Variants in ZNF331 observed in about 807,000 individuals in gnomAD.
ZNF331 encodes zinc finger protein 331, also known as C2H2-like zinc finger protein rearranged in thyroid adenomas.
Under a neutral mutation model 7.0 loss-of-function variants are expected in ZNF331, and 2 were observed. The ratio of observed to expected loss-of-function variants is 0.29; its 90% CI spans 0.12 to 0.90. The LOEUF (loss-of-function observed/expected upper bound fraction) is 0.90. Ranked by LOEUF, ZNF331 falls within the 40% of genes least tolerant of loss-of-function variation. The pLI is 0.58. For missense variants in ZNF331, 432 were observed against 587.7 expected, an observed-to-expected ratio of 0.74 and a Z score of 2.74; for synonymous variants, 196 against 205.4, an observed-to-expected ratio of 0.95 and a Z score of 0.39.
chr19:53,563,727 T>C (rs2090010650), intron 3 of ZNF331: 1 of 152,074 alleles, frequency 6.6e-6, no homozygotes, highest in Non-Finnish European at 1.5e-5. Context: ...TAGTTAATAG[T>C]TCATGCAGTC....
At chr19:53,528,898 C>T (rs138918858) in intron 2 of ZNF331, among the ~76,000 whole-genome samples, 12,497 of 152,070 alleles carry the variant, frequency 0.082, 586 homozygotes, top group Non-Finnish European at 0.11. Context: ...GATTCTCCTG[C>T]CTCAGCCTCC....
intron 2 of ZNF331, among the ~76,000 whole-genome samples, chr19:53,547,871 G>A (rs990523028): frequency 6.6e-6 from 1 of 151,968 alleles, no homozygotes; most frequent in Admixed American, 6.6e-5. Flanking sequence ...TATTATCAGG[G>A]TTGTTTGGTT....
chr19:53,506,442 CTG>C, the ZNF331 span, among the ~76,000 whole-genome samples: 900 of 64,902 alleles, frequency 0.014, 16 homozygotes, highest in East Asian at 0.041. Context: ...CTCTCTCTCT[CTG>C]TCTCTCTCTC....
chr19:53,565,252 T>C (rs977171506), intron 3 of ZNF331, among the ~76,000 whole-genome samples: 1 of 152,238 alleles, frequency 6.6e-6, no homozygotes, highest in African/African-American at 2.4e-5. Context: ...GACATCATTC[T>C]GTGGACAGCC....
intron 3 of ZNF331, among the ~76,000 whole-genome samples, chr19:53,557,910 G>A (rs116592104): frequency 0.012 from 1,802 of 152,314 alleles, 38 homozygotes; most frequent in African/African-American, 0.04. Flanking sequence ...AACCTGTGAT[G>A]AGCTGAGATC....
At chr19:53,534,204 G>A (rs2087650393), upstream of ZNF331, among the ~76,000 whole-genome samples, 2 of 152,192 alleles carry the variant, frequency 1.3e-5, no homozygotes, top group African/African-American at 4.8e-5. Context: ...TGAAGACTGT[G>A]TTGCTTTTTG....
chr19:53,540,129 T>G lies in ZNF331; in HGVS notation c.-138+847T>G, dbSNP rs116915038. On this transcript the variant is annotated intron_variant, in intron 2 of 5. Coordinates refer to ENST00000449416, the MANE Select transcript of ZNF331 (RefSeq NM_001079906.2). ...AAGAGAGGAGCCTGGCCACATTTAT[T>G]GAGCGCATTTTTGTACCATACTCTA... Among the ~76,000 whole-genome samples the G allele has an allele frequency of 5.2e-3, 788 of 152,324 alleles. 2 individuals carry two copies. The highest frequency in any genetic ancestry group is 9.0e-3 in the Non-Finnish European group (613 of 68,030).
At chr19:53,524,546 G>T (rs964166276) in intron 2 of ZNF331, among the ~76,000 whole-genome samples, 3 of 152,170 alleles carry the variant, frequency 2.0e-5, no homozygotes, top group African/African-American at 7.2e-5. Flanking sequence ...GTGTCTGTTG[G>T]CTGCATAGAT....
At chr19:53,574,438 A>G (rs554765843) in intron 5 of ZNF331, among the ~76,000 whole-genome samples, 17 of 152,154 alleles carry the variant, frequency 1.1e-4, no homozygotes, top group Non-Finnish European at 2.1e-4. Context: ...AGATCTTACC[A>G]CGAACTTGAT....
In ZNF331 at chr19:53,573,293, G is replaced by T. The variant is rs2090552482; in HGVS notation, c.136+1563G>T. ...CAAGACTGGCAGGCCAAGGCAGACG[G>T]ATCACGAAGATAGGAGTTCGAGACC... On this transcript the variant is annotated intron_variant, in intron 5 of 5. Coordinates refer to ENST00000449416, the MANE Select transcript of ZNF331 (RefSeq NM_001079906.2). The surrounding 1 kb of genome is among the most constrained non-coding windows in gnomAD (Gnocchi z 4.2). 6.6e-6 allele frequency among the ~76,000 whole-genome samples: 1 copy of T among 151,678 alleles called. No homozygotes were observed.
chr19:53,524,922 A>G (rs545793083), intron 2 of ZNF331, among the ~76,000 whole-genome samples: 21 of 152,334 alleles, frequency 1.4e-4, no homozygotes, highest in Admixed American at 5.2e-4. Flanking sequence ...TCTTTAATCC[A>G]TCTTGAATTA....
upstream of ZNF331, among the ~76,000 whole-genome samples, chr19:53,535,253 G>A (rs2087703430): frequency 1.3e-5 from 2 of 151,980 alleles, no homozygotes; most frequent in African/African-American, 4.8e-5. Flanking sequence ...CACACATTCA[G>A]CTAATTTTTG....
At chr19:53,515,586 C>T (rs1206439354), upstream of ZNF331, among the ~76,000 whole-genome samples, 5 of 152,244 alleles carry the variant, frequency 3.3e-5, no homozygotes, top group Non-Finnish European at 5.9e-5. Flanking sequence ...CAACCTCCGC[C>T]TGCTGGGTTC....
chr19:53,524,395 T>A (rs1327248654), intron 2 of ZNF331, among the ~76,000 whole-genome samples: 9 of 152,212 alleles, frequency 5.9e-5, no homozygotes, highest in Admixed American at 2.0e-4. Flanking sequence ...GTAAAAGTGT[T>A]CCTGTTTCTC....
intron 2 of ZNF331, among the ~76,000 whole-genome samples, chr19:53,546,395 C>G (rs1032923817): frequency 6.6e-6 from 1 of 152,028 alleles, no homozygotes; most frequent in African/African-American, 2.4e-5. Context: ...GGGGATGTGG[C>G]AAGGGCCAGG....
chr19:53,507,650 C>T, the ZNF331 span, among the ~76,000 whole-genome samples: 57 of 152,234 alleles, frequency 3.7e-4, no homozygotes, highest in Middle Eastern at 6.8e-3. Context: ...AGAGGCTGTT[C>T]GGGCTCAGTG....
At chr19:53,536,890 C>T (rs958590860), upstream of ZNF331, among the ~76,000 whole-genome samples, 3 of 152,090 alleles carry the variant, frequency 2.0e-5, no homozygotes, top group Non-Finnish European at 1.5e-5. Context: ...GCAACAAGAG[C>T]GAAACTCCGT....
At chr19:53,552,513 A>G (rs1108913) in intron 2 of ZNF331, among the ~76,000 whole-genome samples, 1 of 151,368 alleles carries the variant, frequency 6.6e-6, no homozygotes. Context: ...AGCTCAGGAG[A>G]TCAAGGCCAG....
At chr19:53,526,865 T>G (rs1042453165) in intron 2 of ZNF331, among the ~76,000 whole-genome samples, 1 of 151,826 alleles carries the variant, frequency 6.6e-6, no homozygotes, top group Non-Finnish European at 1.5e-5. Flanking sequence ...GAACTAATTT[T>G]TTTTATACCA....
Sources: allele counts gnomAD v4.1 joint callset (sites outside exome capture counted in the v4.1 genomes callset), GRCh38; gene constraint gnomAD v4.1.1; non-coding constraint Gnocchi (gnomAD v3.1); transcripts MANE v1.5; gene names NCBI Gene and HGNC (gene_info 2026-07-23, HGNC 2026-07-21).